Variants in MYH14 observed in about 807,000 individuals in gnomAD.
The protein encoded by MYH14 is myosin heavy chain 14.
Under a neutral mutation model 255.5 loss-of-function variants are expected in MYH14, and 123 were observed. That is an observed-to-expected ratio of 0.48 (90% CI 0.42 to 0.56). MYH14 has a LOEUF of 0.56. Ranked by LOEUF, MYH14 falls within the 20% of genes least tolerant of loss-of-function variation. The pLI, the probability that MYH14 is intolerant of heterozygous loss-of-function variation, is 0.00. For synonymous variants in MYH14, 1,095 were observed against 1,161.2 expected, an observed-to-expected ratio of 0.94 and a Z score of 1.16; for missense variants, 2,423 against 2,802.3, an observed-to-expected ratio of 0.86 and a Z score of 3.06.
At chr19:50,271,758 G>A in intron 25 of MYH14, 91 bp from the exon 26 acceptor site, 1 of 1,566,368 alleles carries the variant, frequency 6.4e-7, no homozygotes, top group East Asian at 2.3e-5. Flanking sequence ...CAGAAACATA[G>A]ATGAGAACAA....
chr19:50,253,458 A>G (rs2034477562), intron 16 of MYH14, among the ~76,000 whole-genome samples: 1 of 150,266 alleles, frequency 6.7e-6, no homozygotes, highest in Non-Finnish European at 1.5e-5. Context: ...AAAAAAAAAA[A>G]TTCTACTGAG....
intron 40 of MYH14, among the ~76,000 whole-genome samples, chr19:50,305,153 A>T (rs1325047884): frequency 6.6e-6 from 1 of 151,892 alleles, no homozygotes; most frequent in Non-Finnish European, 1.5e-5. Context: ...GTATAGAAAG[A>T]TCTCTCTGGG....
chr19:50,239,193 A>G (rs2033792459), intron 10 of MYH14, among the ~76,000 whole-genome samples: 1 of 151,836 alleles, frequency 6.6e-6, no homozygotes, highest in Non-Finnish European at 1.5e-5. Flanking sequence ...CTGATTTTGT[A>G]TTTTTAGCAG....
Position 50,290,889 on chromosome 19 carries a change from G to C in MYH14, c.4968G>C (p.Leu1656=). The C allele has an allele frequency of 1.3e-6, 2 of 1,557,376 alleles. No individual in the cohort carries two copies. Among genetic ancestry groups the C allele is most frequent in the Non-Finnish European group, 1.7e-6 (2 of 1,151,358 alleles). The change falls in exon 36 of 43, where the codon CTG becomes CTC. Residue 1656 remains leucine, a splice_region_variant and synonymous_variant. Transcript: ENST00000642316. ...EERRRQLAKQ[L]RDAEVERDEE... ...GTCCCTCCTGACCTCCTCTCCAGCT[G>C]AGAGATGCAGAGGTGGAGCGGGATG... is the stretch of plus-strand genomic sequence containing the variant.
At chr19:50,286,323 G>C (rs1409579436) in intron 33 of MYH14, 159 bp from the exon 34 acceptor site, 1 of 681,758 alleles carries the variant, frequency 1.5e-6, no homozygotes, top group Non-Finnish European at 2.5e-6. Context: ...TTTGGGACAC[G>C]GTTGCAACTT....
intron 2 of MYH14, among the ~76,000 whole-genome samples, chr19:50,216,683 G>T (rs1358427359): frequency 1.3e-5 from 2 of 151,682 alleles, no homozygotes; most frequent in East Asian, 1.9e-4. Context: ...AGAAACCGCA[G>T]GTATGTTCCT....
Position 50,309,010 on chromosome 19 carries a change from G to A in MYH14, c.5793G>A (p.Glu1931=), listed in dbSNP as rs779027637. 10 of 1,611,546 alleles carry A rather than the reference G, an allele frequency of 6.2e-6. No homozygotes were observed. The highest frequency in any genetic ancestry group is 6.8e-6 in the Non-Finnish European group (8 of 1,178,636). ...RVADQLRDQL[E]KGNLRVKQLK... is the part of the protein sequence containing the mutation. ...GTCCCCCTGCTTCCATCAAGCTGGA[G>A]AAGGGAAACCTTCGAGTCAAGCAGC... The change falls in exon 42 of 43, where the codon GAG becomes GAA. Residue 1931 remains glutamate, a synonymous_variant. Transcript: ENST00000642316.
intron 2 of MYH14, among the ~76,000 whole-genome samples, chr19:50,213,974 A>G (rs1008245766): frequency 2.6e-5 from 4 of 151,996 alleles, no homozygotes; most frequent in Admixed American, 6.6e-5. Context: ...ACAGGCACAT[A>G]CCACCAAGCC....
At chr19:50,268,457 GC>G in intron 24 of MYH14, 90 bp downstream of exon 24, 1 of 1,374,964 alleles carries the variant, frequency 7.3e-7, no homozygotes, top group Non-Finnish European at 9.8e-7. Flanking sequence ...GTGTCTTTGG[GC>G]CATGAATTTG....
intron 2 of MYH14, among the ~76,000 whole-genome samples, chr19:50,211,997 G>A (rs891172531): frequency 4.3e-4 from 66 of 151,956 alleles, no homozygotes; most frequent in African/African-American, 1.5e-3. Context: ...CAAACAAAAC[G>A]AAACAATACA....
At chr19:50,260,810 C>A in intron 20 of MYH14, 95 bp downstream of exon 20, 3 of 882,842 alleles carry the variant, frequency 3.4e-6, no homozygotes, top group Non-Finnish European at 1.7e-6. Flanking sequence ...TGTGTGCATG[C>A]GTGTGTGTGC....
At chr19:50,241,253 G>A (rs1180101448) in intron 10 of MYH14, among the ~76,000 whole-genome samples, 5 of 152,072 alleles carry the variant, frequency 3.3e-5, no homozygotes, top group African/African-American at 7.2e-5. Context: ...TGGCCAACAC[G>A]ATGAAACCCC....
rs560015790 is a variant in MYH14 at position 50,255,163 on chromosome 19, C to T, written c.1946-57C>T. ...TCCCCTCTTTTCATGCATCTCTCTCCGCCATCTCTCTGCCATCTCCCCTCC... is the reference window on the plus strand; with the variant it reads ...TCCCCTCTTTTCATGCATCTCTCTCTGCCATCTCTCTGCCATCTCCCCTCC... On this transcript the variant is annotated intron_variant, in intron 16 of 42. Coordinates refer to ENST00000642316, the MANE Select transcript of MYH14 (RefSeq NM_001145809.2). 179 of 1,131,834 alleles carry T rather than the reference C, an allele frequency of 1.6e-4. No homozygotes were observed. In the East Asian group the frequency reaches 2.5e-3, roughly 16 times the overall value. The allele number at this position is 1,131,834 out of a possible 1,614,324, so 70.1% of individuals were successfully genotyped here.
chr19:50,289,623 A>G lies in MYH14; in HGVS notation c.4940A>G (p.Glu1647Gly). The G allele has an allele frequency of 6.2e-7, 1 of 1,611,138 alleles. No homozygotes were observed. Among genetic ancestry groups the G allele is most frequent in the Non-Finnish European group, 8.5e-7 (1 of 1,179,120 alleles). Residue 1647 changes from glutamate (E) to glycine (G), a missense_variant, in exon 35 of 43, where the codon GAG becomes GGG. Glu to Gly is a moderately conservative substitution (Grantham distance 98, BLOSUM62 -2). Around this residue, in one of 3 missense-constraint regions of MYH14, gnomAD observed 1,513 missense variants for 1,674.8 expected, o/e 0.90. Coordinates refer to ENST00000642316, the MANE Select transcript of MYH14 (RefSeq NM_001145809.2). ...DLQGRDEAGEERRRQLAKQLR... is the reference protein window; with the variant it reads ...DLQGRDEAGEGRRRQLAKQLR... ...CAGGGCCGTGATGAGGCTGGTGAAG[A>G]GAGGCGGAGGCAGCTGGCCAAGCAG...
At chr19:50,269,302 C>T (rs1464333642) in intron 24 of MYH14, among the ~76,000 whole-genome samples, 2 of 152,174 alleles carry the variant, frequency 1.3e-5, no homozygotes, top group Non-Finnish European at 2.9e-5. Flanking sequence ...TCAGCCTCTA[C>T]AGCAGTATCT....
At chr19:50,229,548 G>A (rs770546917) in intron 8 of MYH14, among the ~76,000 whole-genome samples, 6 of 152,146 alleles carry the variant, frequency 3.9e-5, no homozygotes, top group Non-Finnish European at 7.3e-5. Context: ...GCTGAGGTGG[G>A]AGTATTGCTT....
At chr19:50,215,270 G>A (rs371893943) in intron 2 of MYH14, among the ~76,000 whole-genome samples, 16 of 152,168 alleles carry the variant, frequency 1.1e-4, no homozygotes, top group African/African-American at 3.4e-4. Context: ...AGTGGGGGCC[G>A]GGGCGCCGGC....
At position 50,210,410 on chromosome 19, in the gene MYH14, C is replaced by G. The variant is rs879016697; in HGVS notation, c.45C>G (p.Pro15=). 1 of 1,571,274 alleles carries G rather than the reference C, an allele frequency of 6.4e-7. No individual in the cohort carries two copies. Among genetic ancestry groups the G allele is most frequent in the South Asian group, 1.2e-5 (1 of 85,922 alleles). The change falls in exon 2 of 43, where the codon CCC becomes CCG. Residue 15 remains proline, a synonymous_variant. Transcript: ENST00000642316. The part of the protein sequence containing the change: ...TMSVPGRKAP[P]RPGPVPEAAQ... Reference sequence around the variant, plus strand: ...CGGTGCCCGGGCGGAAGGCGCCCCCCAGGCCGGGCCCAGTGCCCGAGGCGG... The same window carrying G: ...CGGTGCCCGGGCGGAAGGCGCCCCCGAGGCCGGGCCCAGTGCCCGAGGCGG...
chr19:50,288,311 A>G (rs2035959075), intron 34 of MYH14, among the ~76,000 whole-genome samples: 1 of 152,102 alleles, frequency 6.6e-6, no homozygotes, highest in Non-Finnish European at 1.5e-5. Context: ...TTCTCCACGC[A>G]CTTAGACGTT....
Sources: gnomAD v4.1 joint callset for allele counts (sites outside exome capture counted in the v4.1 genomes callset) on GRCh38, gnomAD v4.1.1 for gene constraint, gnomAD v4.1.1 regional missense constraint, MANE v1.5 for transcripts, NCBI Gene and HGNC (gene_info 2026-07-23, HGNC 2026-07-21) for gene names.